Variants in RGS12 observed in about 807,000 individuals in gnomAD.
RGS12 encodes regulator of G-protein signaling 12.
RGS12 carries 66 observed loss-of-function variants against 120.1 expected under a neutral mutation model. The observed-to-expected ratio is 0.55, with a 90% CI of 0.45 to 0.67. The LOEUF is 0.67. Among genes scored for constraint, RGS12 ranks in the 30% least tolerant of loss-of-function variants. The pLI is 0.00. For missense variants in RGS12, 1,859 were observed against 1,957.7 expected, an observed-to-expected ratio of 0.95 and a Z score of 0.95; for synonymous variants, 827 against 804.7, an observed-to-expected ratio of 1.03 and a Z score of -0.47.
chr4:3,354,316 G>A (rs1714664628), intron 3 of RGS12, among the ~76,000 whole-genome samples: 1 of 152,156 alleles, frequency 6.6e-6, no homozygotes, highest in African/African-American at 2.4e-5. Flanking sequence ...CTGGCTGTAG[G>A]GGATTAGGGC....
At chr4:3,353,870 C>T (rs1043435488) in intron 3 of RGS12, among the ~76,000 whole-genome samples, 1 of 152,060 alleles carries the variant, frequency 6.6e-6, no homozygotes, top group African/African-American at 2.4e-5. Context: ...TCCATTCATA[C>T]CCTAAGTTCA....
At chr4:3,286,354 T>C in the RGS12 span, among the ~76,000 whole-genome samples, 1 of 152,178 alleles carries the variant, frequency 6.6e-6, no homozygotes, top group Non-Finnish European at 1.5e-5. Flanking sequence ...TTACTGCGTA[T>C]GCGGTGGGCA....
intron 2 of RGS12, among the ~76,000 whole-genome samples, chr4:3,340,875 A>G (rs1312513414): frequency 6.6e-6 from 1 of 152,088 alleles, no homozygotes; most frequent in African/African-American, 2.4e-5. Flanking sequence ...AGTGCCTTGG[A>G]GTGAGCTGGC....
chr4:3,328,260 G>C (rs144092240), intron 2 of RGS12, among the ~76,000 whole-genome samples: 1 of 152,216 alleles, frequency 6.6e-6, no homozygotes, highest in Non-Finnish European at 1.5e-5. Flanking sequence ...GGGAGGAGGG[G>C]TGAGTGATGA....
At chr4:3,345,551 T>C (rs1326241256) in intron 3 of RGS12, among the ~76,000 whole-genome samples, 1 of 152,176 alleles carries the variant, frequency 6.6e-6, no homozygotes, top group African/African-American at 2.4e-5. Flanking sequence ...CAGGAGTCAG[T>C]GTCAGAGCTC....
At chr4:3,409,829 C>T (rs1337701169) in intron 4 of RGS12, among the ~76,000 whole-genome samples, 1 of 152,222 alleles carries the variant, frequency 6.6e-6, no homozygotes, top group African/African-American at 2.4e-5. Context: ...CCCCTGTCTT[C>T]CCGTCCTGGT....
intron 2 of RGS12, among the ~76,000 whole-genome samples, chr4:3,333,409 A>T (rs1712093741): frequency 6.6e-6 from 1 of 152,214 alleles, no homozygotes; most frequent in African/African-American, 2.4e-5. Flanking sequence ...AAGTGCCGGG[A>T]TTACAGGCGT....
At position 3,417,514 on chromosome 4, in the gene RGS12, A is replaced by G; in HGVS notation, c.2734A>G (p.Lys912Glu). The G allele has an allele frequency of 6.2e-7, 1 of 1,613,086 alleles. No homozygotes were observed. Among genetic ancestry groups the G allele is most frequent in the Non-Finnish European group, 8.5e-7 (1 of 1,179,926 alleles). ...CAGGAGCACCGGGAGGTCCCAGAAA[A>G]AGAGGGAGCACGGGGACCACGCAGA... Reference protein sequence around the residue: ...RTRSTGRSQKKREHGDHADDA... With the variant: ...RTRSTGRSQKEREHGDHADDA... Residue 912 changes from lysine to glutamate, a missense_variant, in exon 9 of 18, where the codon AAG becomes GAG. By Grantham distance (56) the Lys-to-Glu change is moderately conservative. This residue lies in a region of RGS12 where 375 missense variants were observed against 475.0 expected (regional missense o/e 0.79). Coordinates refer to ENST00000336727, the MANE Select transcript of RGS12 (RefSeq NM_001394154.1).
chr4:3,344,428 A>G (rs1713596617), intron 3 of RGS12, among the ~76,000 whole-genome samples: 1 of 152,168 alleles, frequency 6.6e-6, no homozygotes, highest in African/African-American at 2.4e-5. Flanking sequence ...TTTGGCTCAT[A>G]CTGCCATGCT....
At position 3,317,328 on chromosome 4, in the gene RGS12, C is replaced by T. The variant is rs748327703; in HGVS notation, c.1158C>T (p.Ile386=). 1 of 1,614,174 alleles carries T rather than the reference C, an allele frequency of 6.2e-7. No individual in the cohort carries two copies. Among genetic ancestry groups the T allele is most frequent in the South Asian group, 1.1e-5 (1 of 91,086 alleles). ...PASSLPVLQF[I]SVLYRDMGEL... The stretch of plus-strand genomic sequence containing the variant: ...CCTCCCTCCCCGTCCTGCAGTTCAT[C>T]TCTGTCCTGTACCGAGACATGGGTG... The change falls in exon 2 of 18, where the codon ATC becomes ATT. Residue 386 remains isoleucine (I), a synonymous_variant. Coordinates refer to ENST00000336727, the MANE Select transcript of RGS12 (RefSeq NM_001394154.1).
chr4:3,407,500 G>A (rs1418415698), intron 4 of RGS12: 1 of 152,376 alleles, frequency 6.6e-6, no homozygotes, highest in Non-Finnish European at 1.5e-5. Flanking sequence ...TGGACTCAGA[G>A]GGGTGGTTTG....
intron 4 of RGS12, among the ~76,000 whole-genome samples, chr4:3,399,955 A>G (rs1324729857): frequency 1.3e-5 from 2 of 152,264 alleles, no homozygotes; most frequent in East Asian, 3.8e-4. Flanking sequence ...AAAAGACGGC[A>G]GGGCAGAATC....
At chr4:3,341,718 G>A (rs1439907387) in intron 2 of RGS12, among the ~76,000 whole-genome samples, 1 of 13,324 alleles carries the variant, frequency 7.5e-5, no homozygotes, top group Non-Finnish European at 1.7e-4. Context: ...GGGTGTGGGC[G>A]GAGGGGAGGG....
At chr4:3,412,593 G>A (rs1452202496) in intron 4 of RGS12, among the ~76,000 whole-genome samples, 1 of 152,260 alleles carries the variant, frequency 6.6e-6, no homozygotes, top group Admixed American at 6.5e-5. Flanking sequence ...CCTGCGCACC[G>A]TGCCACAGGA....
chr4:3,414,940 A>T, intron 6 of RGS12, 96 bp downstream of exon 6: 13 of 713,996 alleles, frequency 1.8e-5, no homozygotes, highest in Admixed American at 4.3e-5. Context: ...TGTGAGGGGC[A>T]TGTGAGGGGT....
At chr4:3,342,594 T>A (rs745476813) in intron 2 of RGS12, 34 of 1,316,304 alleles carry the variant, frequency 2.6e-5, no homozygotes, top group Non-Finnish European at 3.2e-5. Context: ...GTGTCCACTT[T>A]CCAAGCACCC....
chr4:3,406,827 G>A (rs964825481), intron 4 of RGS12, among the ~76,000 whole-genome samples: 1 of 152,218 alleles, frequency 6.6e-6, no homozygotes, highest in Non-Finnish European at 1.5e-5. Context: ...CCGCCTCCAG[G>A]ATGCCCACAG....
At chr4:3,349,862 T>G (rs1714197631) in intron 3 of RGS12, among the ~76,000 whole-genome samples, 1 of 152,208 alleles carries the variant, frequency 6.6e-6, no homozygotes, top group South Asian at 2.1e-4. Context: ...GTTTTAGTAC[T>G]TTATCTTATA....
In RGS12 at chr4:3,374,411, G is replaced by A. The variant is rs1053946851; in HGVS notation, c.1999-12005G>A. ...CCACCTTCCACGACAGGCTCGATTC[G>A]TCCCTCGCATGCTGCCCTCCCAGCC... On this transcript the variant is annotated intron_variant, in intron 3 of 17. Transcript: ENST00000336727. The surrounding 1 kb of genome is among the most constrained non-coding windows in gnomAD (Gnocchi z 6.3). Among the ~76,000 whole-genome samples, 11 of 152,222 alleles carry A rather than the reference G, an allele frequency of 7.2e-5. No individual in the cohort carries two copies. The highest frequency in any genetic ancestry group is 9.6e-5 in the African/African-American group (4 of 41,536).
Sources: gnomAD v4.1 joint callset for allele counts (sites outside exome capture counted in the v4.1 genomes callset) on GRCh38, gnomAD v4.1.1 for gene constraint, gnomAD v4.1.1 regional missense constraint, Gnocchi (gnomAD v3.1) non-coding constraint, MANE v1.5 for transcripts, NCBI Gene and HGNC (gene_info 2026-07-23, HGNC 2026-07-21) for gene names.